FAM20C: variants seen among roughly 807,000 people sequenced by gnomAD.
The protein encoded by FAM20C is extracellular serine/threonine protein kinase FAM20C.
In FAM20C, 40 loss-of-function variants were observed where a neutral mutation model predicts 51.5. The ratio of observed to expected loss-of-function variants is 0.78; its 90% CI spans 0.60 to 1.01. The LOEUF (loss-of-function observed/expected upper bound fraction) is 1.01, where lower values mean the gene tolerates loss of function less well. FAM20C is among the 50% of genes least tolerant of loss of function. The probability of loss-of-function intolerance (pLI) is 0.00; values close to 1 mark genes in which losing one functional copy is unlikely to be tolerated. For missense variants in FAM20C, 861 were observed against 844.7 expected (o/e 1.02, Z -0.24); for synonymous variants, 406 against 380.6 (o/e 1.07, Z -0.78).
chr7:193,605 C>CA lies in FAM20C; in HGVS notation c.407dup (p.His136GlnfsTer73). 1 of 1,537,168 alleles carries CA rather than the reference C, an allele frequency of 6.5e-7. No individual in the cohort carries two copies. Among genetic ancestry groups the CA allele is most frequent in the Non-Finnish European group, 8.8e-7 (1 of 1,141,964 alleles). The stretch of plus-strand genomic sequence containing the variant: ...CGCCCTAAGACCCCACGACCCCGCG[C>CA]ACCGGCCGCTGCTGCGAGACCCCGG... On this transcript the variant is annotated frameshift_variant, in exon 1 of 10. Coordinates refer to ENST00000313766, the MANE Select transcript of FAM20C (RefSeq NM_020223.4). LOFTEE classifies it high-confidence loss of function.
At chr7:202,821 G>A (rs541071600) in intron 2 of FAM20C, among the ~76,000 whole-genome samples, 2 of 152,332 alleles carry the variant, frequency 1.3e-5, no homozygotes, top group East Asian at 1.9e-4. Context: ...AATGGGGCCC[G>A]TGGACATCTT....
chr7:195,303 G>A (rs911121303), intron 1 of FAM20C: 3 of 410,336 alleles, frequency 7.3e-6, no homozygotes, highest in African/African-American at 6.1e-5. Flanking sequence ...GCTGTAGTTA[G>A]AGCTGTCTGT....
rs191110079 is a variant in FAM20C at position 256,090 on chromosome 7, G to A, written c.1253+61G>A. On this transcript the variant is annotated intron_variant, in intron 6 of 9. Transcript: ENST00000313766. ...CCTACGGCAGAGGGAGCTGGGCCTG[G>A]GCGGGCATGGGAGGGTCGGCGCCCA... The A allele has an allele frequency of 3.0e-5, 45 of 1,514,814 alleles. No individual in the cohort carries two copies. In the African/African-American group the frequency reaches 5.8e-4, roughly 20 times the overall value. 93.8% of individuals were successfully genotyped at this position (1,514,814 alleles called of 1,614,324 possible). A position where few individuals can be genotyped will look rare whatever the true frequency, so the allele number is the denominator to read the frequency against.
chr7:254,041 C>G (rs1188448336), intron 5 of FAM20C, among the ~76,000 whole-genome samples: 2 of 152,044 alleles, frequency 1.3e-5, no homozygotes, highest in African/African-American at 4.8e-5. Flanking sequence ...CAATAATGAC[C>G]CAGCGTTGGC....
intron 5 of FAM20C, among the ~76,000 whole-genome samples, chr7:252,883 G>A (rs1013538541): frequency 1.2e-4 from 19 of 152,350 alleles, no homozygotes; most frequent in Middle Eastern, 6.8e-3. Context: ...TCTCACGTAA[G>A]TTACCGTCTG....
chr7:258,753 G>T, intron 9 of FAM20C, 48 bp downstream of exon 9: 3 of 1,498,352 alleles, frequency 2.0e-6, no homozygotes, highest in Non-Finnish European at 2.7e-6. Flanking sequence ...CCTCCCTACT[G>T]CGCAGGAGAC....
intron 3 of FAM20C, among the ~76,000 whole-genome samples, chr7:225,989 G>C (rs1045041188): frequency 1.3e-5 from 2 of 151,502 alleles, no homozygotes; most frequent in African/African-American, 4.9e-5. Flanking sequence ...GTCGCACGGC[G>C]GCTGTCCCCT....
chr7:251,649 C>T (rs1164626748), intron 5 of FAM20C, among the ~76,000 whole-genome samples: 3 of 152,154 alleles, frequency 2.0e-5, no homozygotes, highest in South Asian at 2.1e-4. Flanking sequence ...CCGGAGTGCC[C>T]CTGAGCTCTG....
At chr7:193,854 G>A (rs781543689) in intron 1 of FAM20C, 50 bp downstream of exon 1, 1 of 1,537,608 alleles carries the variant, frequency 6.5e-7, no homozygotes, top group South Asian at 1.2e-5. Flanking sequence ...GTGAGCCCAA[G>A]GCATGGTGTA....
At chr7:235,105 GTTTA>G (rs1787809940) in intron 3 of FAM20C, among the ~76,000 whole-genome samples, 38 of 152,050 alleles carry the variant, frequency 2.5e-4, no homozygotes, top group South Asian at 4.2e-4. Context: ...TTTTCAAACT[GTTTA>G]CACTGAGCCC....
intron 5 of FAM20C, among the ~76,000 whole-genome samples, chr7:253,158 G>A (rs1032465923): frequency 5.9e-5 from 9 of 152,198 alleles, no homozygotes; most frequent in Non-Finnish European, 1.0e-4. Context: ...CGTTTCCAGC[G>A]ATGGACCCAG....
intron 9 of FAM20C, 63 bp downstream of exon 9, chr7:258,768 G>T: frequency 6.9e-7 from 1 of 1,457,072 alleles, no homozygotes; most frequent in African/African-American, 1.4e-5. Context: ...GGAGACAGAG[G>T]AGGCCACAGC....
Position 243,714 on chromosome 7 carries a change from A to G in FAM20C, c.864-2701A>G, listed in dbSNP as rs868693492. Among the ~76,000 whole-genome samples, 136 of 32,796 alleles carry G rather than the reference A, an allele frequency of 4.1e-3. 2 individuals are homozygous for G. The highest frequency in any genetic ancestry group is 0.037 in the Middle Eastern group (2 of 54). 21.5% of individuals were successfully genotyped at this position (32,796 alleles called of 152,430 possible). A position where few individuals can be genotyped will look rare whatever the true frequency, so the allele number is the denominator to read the frequency against. ...CCACCCGGGAGACCTGTGCCACCCA[A>G]GAGACCTGTGCCACCCGGGAGACCT... On this transcript the variant is annotated intron_variant, in intron 3 of 9. Transcript: ENST00000313766.
At chr7:196,811 C>T (rs1785894507) in intron 2 of FAM20C, among the ~76,000 whole-genome samples, 1 of 152,176 alleles carries the variant, frequency 6.6e-6, no homozygotes, top group South Asian at 2.1e-4. Flanking sequence ...GGGCACTCAC[C>T]TGGTCATGGG....
Position 209,034 on chromosome 7 carries a change from C to T in FAM20C, c.863+58C>T, listed in dbSNP as rs1043548087. 1.8e-5 allele frequency: 28 copies of T among 1,515,810 alleles called. No homozygotes were observed. The Middle Eastern group carries it at 5.3e-4, about 29-fold the overall frequency. The allele number at this position is 1,515,810 out of a possible 1,614,324, so 93.9% of individuals were successfully genotyped here. ...GGAGCTGGAGCTGCAGGCGAGCAGGCGCCGGGCTTCTGCTGGGGATGGCCG... is the reference window on the plus strand; with the variant it reads ...GGAGCTGGAGCTGCAGGCGAGCAGGTGCCGGGCTTCTGCTGGGGATGGCCG... On this transcript the variant is annotated intron_variant, in intron 3 of 9. Transcript: ENST00000313766.
chr7:234,529 G>C (rs1787794098), intron 3 of FAM20C, among the ~76,000 whole-genome samples: 1 of 152,156 alleles, frequency 6.6e-6, no homozygotes, highest in African/African-American at 2.4e-5. Flanking sequence ...GCAGGCTGTG[G>C]GTGTCTCTCG....
chr7:210,913 C>G (rs1040011167), intron 3 of FAM20C, among the ~76,000 whole-genome samples: 1 of 152,144 alleles, frequency 6.6e-6, no homozygotes, highest in South Asian at 2.1e-4. Flanking sequence ...GCTGTGGGCC[C>G]GGCCTGTGCT....
intron 3 of FAM20C, among the ~76,000 whole-genome samples, chr7:236,710 G>A (rs1562388627): frequency 6.6e-6 from 1 of 150,760 alleles, no homozygotes; most frequent in Non-Finnish European, 1.5e-5. Context: ...GGTTTCATGC[G>A]GAGGTGAGGC....
intron 5 of FAM20C, among the ~76,000 whole-genome samples, chr7:253,453 C>T (rs570927549): frequency 6.6e-6 from 1 of 152,268 alleles, no homozygotes; most frequent in South Asian, 2.1e-4. Context: ...GGCAGGATCT[C>T]TCCTGGGTTT....
Sources: gnomAD v4.1 joint callset for allele counts (sites outside exome capture counted in the v4.1 genomes callset) on GRCh38, gnomAD v4.1.1 for gene constraint, MANE v1.5 for transcripts, NCBI Gene and HGNC (gene_info 2026-07-23, HGNC 2026-07-21) for gene names.